The following TRPC5 variants were observed in gnomAD, a reference collection of about 807,000 sequenced individuals.
TRPC5 encodes transient receptor potential cation channel subfamily C member 5.
TRPC5 carries 9 observed loss-of-function variants against 56.5 expected under a neutral mutation model. The observed-to-expected ratio is 0.16, with a 90% CI of 0.10 to 0.28. The LOEUF (loss-of-function observed/expected upper bound fraction) is 0.28, where lower values mean the gene tolerates loss of function less well. Among genes scored for constraint, TRPC5 ranks in the 10% least tolerant of loss-of-function variants. The pLI is 1.00. For missense variants in TRPC5, 469 were observed against 748.9 expected (o/e 0.63, Z 4.36); for synonymous variants, 282 against 278.5 (o/e 1.01, Z -0.13).
chrX:111,843,860 A>G (rs1603052933), intron 6 of TRPC5, among the ~76,000 whole-genome samples: 2 of 105,180 alleles, frequency 1.9e-5, no homozygotes, highest in South Asian at 9.1e-4. Flanking sequence ...GCCTGAACCA[A>G]GACAGTGGGA....
chrX:111,776,084 G>A lies in TRPC5; in HGVS notation c.*229C>T. ...AGGTGCAACACCCCTTCAGTCGGTTGTAAGATGGACTTAGTGTGTATAGGT... is the reference window on the plus strand; with the variant it reads ...AGGTGCAACACCCCTTCAGTCGGTTATAAGATGGACTTAGTGTGTATAGGT... On this transcript the variant is annotated 3_prime_UTR_variant, in exon 11 of 11. Transcript: ENST00000262839. The A allele has an allele frequency of 3.2e-6, 1 of 313,577 alleles. No individual in the cohort carries two copies. Among genetic ancestry groups the A allele is most frequent in the East Asian group, 4.6e-5 (1 of 21,917 alleles). 25.8% of individuals were successfully genotyped at this position (313,577 alleles called of 1,213,427 possible).
At chrX:111,957,974 A>C (rs1927280034) in intron 1 of TRPC5, among the ~76,000 whole-genome samples, 1 of 111,951 alleles carries the variant, frequency 8.9e-6, no homozygotes, top group Non-Finnish European at 1.9e-5. Flanking sequence ...CTGTGTCTTG[A>C]AGGGTTGATA....
intron 1 of TRPC5, among the ~76,000 whole-genome samples, chrX:112,048,161 T>C (rs1397741378): frequency 9.0e-6 from 1 of 111,160 alleles, no homozygotes; most frequent in African/African-American, 3.3e-5. Context: ...ATCAGTGGAG[T>C]GGTTTTGCAT....
At chrX:111,922,289 G>T (rs937056011) in intron 2 of TRPC5, among the ~76,000 whole-genome samples, 4 of 111,675 alleles carry the variant, frequency 3.6e-5, no homozygotes, top group African/African-American at 1.3e-4. Flanking sequence ...ACACAATGTT[G>T]TCTGCTCACA....
chrX:111,950,046 TG>T (rs1927035002), intron 2 of TRPC5, among the ~76,000 whole-genome samples: 1 of 111,754 alleles, frequency 8.9e-6, no homozygotes, highest in Non-Finnish European at 1.9e-5. Flanking sequence ...ATGAGTTGGC[TG>T]GGCGCGGTGG....
intron 6 of TRPC5, among the ~76,000 whole-genome samples, chrX:111,842,958 A>G (rs1922805711): frequency 8.9e-6 from 1 of 112,605 alleles, no homozygotes; most frequent in Non-Finnish European, 1.9e-5. Flanking sequence ...TGTTGCTGCA[A>G]ATGGCTTGCA....
In TRPC5 at chrX:111,847,197, G is replaced by A. The variant is rs1922956724; in HGVS notation, c.1617C>T (p.Tyr539=). 8.3e-7 allele frequency: 1 copy of A among 1,209,976 alleles called. No individual in the cohort carries two copies. Among genetic ancestry groups the A allele is most frequent in the African/African-American group, 1.8e-5 (1 of 57,129 alleles). ...LAFANGLNQL[Y]FYYETRAIDE... The stretch of plus-strand genomic sequence containing the variant: ...CGATAGCTCTGGTTTCATAATAGAA[G>A]TAAAGCTGGTTCAGTCCATTGGCAA... Residue 539 remains tyrosine, a synonymous_variant, in exon 6 of 11, where the codon TAC becomes TAT. Transcript: ENST00000262839.
At chrX:111,852,480 C>T in intron 4 of TRPC5, 43 bp from the exon 5 acceptor site, 1 of 1,143,458 alleles carries the variant, frequency 8.7e-7, no homozygotes, top group South Asian at 2.3e-5. Flanking sequence ...ATAGGGTCAG[C>T]CCTGCTCATC....
chrX:112,059,478 C>T (rs772444384), intron 1 of TRPC5, among the ~76,000 whole-genome samples: 30 of 111,985 alleles, frequency 2.7e-4, no homozygotes, highest in Middle Eastern at 9.2e-3. Flanking sequence ...TGACGTAAAA[C>T]CCATTCAAAG....
intron 7 of TRPC5, among the ~76,000 whole-genome samples, chrX:111,790,423 G>A (rs746276436): frequency 9.0e-6 from 1 of 110,862 alleles, no homozygotes; most frequent in East Asian, 2.9e-4. Context: ...GTGGGGGACT[G>A]GGGGAGGGAT....
intron 1 of TRPC5, among the ~76,000 whole-genome samples, chrX:111,956,122 G>A (rs1371693873): frequency 8.9e-6 from 1 of 112,750 alleles, no homozygotes; most frequent in African/African-American, 3.2e-5. Context: ...CTTGGCAGAA[G>A]GCCAGGGCAC....
intron 6 of TRPC5, among the ~76,000 whole-genome samples, chrX:111,835,967 A>G (rs1465884749): frequency 8.9e-6 from 1 of 111,948 alleles, no homozygotes; most frequent in Non-Finnish European, 1.9e-5. Flanking sequence ...GTACTTTTAC[A>G]TACATACATT....
At position 112,020,158 on chromosome X, in the gene TRPC5, G is replaced by T. The variant is rs774055192; in HGVS notation, c.-22+61721C>A. 2.7e-5 allele frequency among the ~76,000 whole-genome samples: 3 copies of T among 111,840 alleles called. No homozygotes were observed. The East Asian group carries it at 8.5e-4, about 32-fold the overall frequency. ...TCCTCCTGCCTTGGCCTCCTAAACTGCTGGGATTACAAGTGTGAGCCACCA... is the reference window on the plus strand; with the variant it reads ...TCCTCCTGCCTTGGCCTCCTAAACTTCTGGGATTACAAGTGTGAGCCACCA... On this transcript the variant is annotated intron_variant, in intron 1 of 10. Transcript: ENST00000262839.
At chrX:111,795,470 C>T (rs1921053035) in intron 7 of TRPC5, among the ~76,000 whole-genome samples, 1 of 109,980 alleles carries the variant, frequency 9.1e-6, no homozygotes, top group African/African-American at 3.3e-5. Flanking sequence ...CAGATAAATC[C>T]CATTTGGTTA....
At chrX:111,807,956 CTGTGTGTGTGTGTG>C (rs60688414) in intron 7 of TRPC5, among the ~76,000 whole-genome samples, 4 of 91,925 alleles carry the variant, frequency 4.4e-5, no homozygotes, top group African/African-American at 5.0e-5. Flanking sequence ...CTCTCTCTCT[CTGTGTGTGTGTGTG>C]TGTGTGTGTG....
intron 3 of TRPC5, among the ~76,000 whole-genome samples, chrX:111,906,523 A>G (rs911981386): frequency 9.0e-6 from 1 of 111,484 alleles, no homozygotes; most frequent in African/African-American, 3.3e-5. Context: ...ATAACTTCGA[A>G]GTTTTTAATG....
At chrX:111,823,320 C>G (rs908229209) in intron 7 of TRPC5, among the ~76,000 whole-genome samples, 2 of 111,637 alleles carry the variant, frequency 1.8e-5, no homozygotes, top group Non-Finnish European at 3.8e-5. Flanking sequence ...TTTGGTACCC[C>G]CTGCAGCGTT....
intron 3 of TRPC5, among the ~76,000 whole-genome samples, chrX:111,877,005 T>C (rs933900366): frequency 8.9e-6 from 1 of 111,808 alleles, no homozygotes; most frequent in Non-Finnish European, 1.9e-5. Flanking sequence ...ACTTCAATAT[T>C]GATTAGAAAA....
At chrX:112,049,787 T>C (rs938563209) in intron 1 of TRPC5, among the ~76,000 whole-genome samples, 3 of 111,746 alleles carry the variant, frequency 2.7e-5, no homozygotes, top group Non-Finnish European at 5.6e-5. Context: ...GTGGGTAGGG[T>C]GGTGGGAGGA....
Sources: allele counts gnomAD v4.1 joint callset (sites outside exome capture counted in the v4.1 genomes callset), GRCh38; gene constraint gnomAD v4.1.1; transcripts MANE v1.5; gene names NCBI Gene and HGNC (gene_info 2026-07-23, HGNC 2026-07-21).